The following CLNK variants were observed in gnomAD, a reference collection of about 807,000 sequenced individuals.
CLNK encodes cytokine-dependent hematopoietic cell linker.
A neutral mutation model predicts 68.6 loss-of-function variants in CLNK; 74 were observed. The ratio of observed to expected loss-of-function variants is 1.08; its 90% CI spans 0.89 to 1.31. The LOEUF (loss-of-function observed/expected upper bound fraction) is 1.31. Among genes scored for constraint, CLNK ranks in the 50% most tolerant of loss-of-function variants. The pLI is 0.00. For missense variants in CLNK, 553 were observed against 515.3 expected (o/e 1.07, Z -0.71); for synonymous variants, 198 against 172.2 (o/e 1.15, Z -1.17).
At chr4:10,640,099 A>G (rs954048195) in intron 2 of CLNK, among the ~76,000 whole-genome samples, 11 of 152,176 alleles carry the variant, frequency 7.2e-5, no homozygotes, top group African/African-American at 2.4e-4. Context: ...TTGTTTCTGA[A>G]GCCTCTGCCA....
chr4:10,595,116 C>G (rs1369459231), intron 3 of CLNK, among the ~76,000 whole-genome samples: 1 of 152,170 alleles, frequency 6.6e-6, no homozygotes, highest in Non-Finnish European at 1.5e-5. Context: ...CAAACCAAAA[C>G]AAAAACCCAG....
the CLNK span, among the ~76,000 whole-genome samples, chr4:10,720,310 CA>C: frequency 6.6e-6 from 1 of 151,768 alleles, no homozygotes. Flanking sequence ...AAAAGGCTGA[CA>C]AAAAACGAAC....
At position 10,488,642 on chromosome 4, in the gene CLNK, T is replaced by G. The variant is rs1716442061; in HGVS notation, c.*1825A>C. 2 of 152,240 alleles carry G rather than the reference T, an allele frequency of 1.3e-5. No homozygotes were observed. The highest frequency in any genetic ancestry group is 1.3e-4 in the Admixed American group (2 of 15,278). The allele number at this position is 152,240 out of a possible 1,614,324, so 9.4% of individuals were successfully genotyped here. A position where few individuals can be genotyped will look rare whatever the true frequency, so the allele number is the denominator to read the frequency against. ...CAGCTGGGTCTCAAAAGTTCCAGCT[T>G]TACAAATAGCTTCTTCATTAAATGC... On this transcript the variant is annotated 3_prime_UTR_variant, in exon 19 of 19. Coordinates refer to ENST00000226951, the MANE Select transcript of CLNK (RefSeq NM_052964.4).
At chr4:10,501,142 C>A in intron 18 of CLNK, 114 bp downstream of exon 18, 6 of 1,088,904 alleles carry the variant, frequency 5.5e-6, no homozygotes, top group Non-Finnish European at 7.7e-6. Context: ...GGAGGTCAGA[C>A]TGCATCCCTC....
chr4:10,733,165 C>T, the CLNK span, among the ~76,000 whole-genome samples: 1 of 152,158 alleles, frequency 6.6e-6, no homozygotes, highest in Admixed American at 6.5e-5. Flanking sequence ...GTCTCCTCAG[C>T]TGCCTGTCTT....
At chr4:10,548,649 T>C (rs139311184) in intron 8 of CLNK, among the ~76,000 whole-genome samples, 203 of 152,298 alleles carry the variant, frequency 1.3e-3, no homozygotes, top group African/African-American at 4.8e-3. Context: ...ATACCCCAAG[T>C]TGATTTAATC....
At chr4:10,693,944 A>G in the CLNK span, among the ~76,000 whole-genome samples, 2 of 152,114 alleles carry the variant, frequency 1.3e-5, no homozygotes, top group Admixed American at 6.6e-5. Flanking sequence ...AATCCTATGA[A>G]TAGCAGCTAT....
intron 2 of CLNK, among the ~76,000 whole-genome samples, chr4:10,634,724 C>T (rs560304925): frequency 6.6e-6 from 1 of 152,232 alleles, no homozygotes; most frequent in African/African-American, 2.4e-5. Flanking sequence ...TTTTTTGCTT[C>T]CCTCCTATGG....
rs1717392713 is a variant in CLNK, at chr4:10,508,171, A to T, written c.907-135T>A. The T allele has an allele frequency of 4.8e-6, 3 of 621,734 alleles. No individual in the cohort carries two copies. The Admixed American group carries it at 1.0e-4, about 21-fold the overall frequency. The allele number at this position is 621,734 out of a possible 1,614,324, so 38.5% of individuals were successfully genotyped here. On this transcript the variant is annotated intron_variant, in intron 16 of 18. Transcript: ENST00000226951. ...ATCTGTAGTAGATATTCAGTACCTA[A>T]CATTTAGTCCCTGAACTTGGAGAAG...
At chr4:10,713,243 A>G in the CLNK span, among the ~76,000 whole-genome samples, 9 of 152,330 alleles carry the variant, frequency 5.9e-5, no homozygotes, top group African/African-American at 2.2e-4. Context: ...ATAAGACAGA[A>G]GCTGACCAGT....
intron 2 of CLNK, among the ~76,000 whole-genome samples, chr4:10,627,873 G>A (rs887269133): frequency 6.6e-6 from 1 of 152,132 alleles, no homozygotes; most frequent in Non-Finnish European, 1.5e-5. Context: ...AGAACTTACT[G>A]AGAAATCAGG....
chr4:10,563,471 C>T (rs1293226146), intron 7 of CLNK, among the ~76,000 whole-genome samples: 2 of 152,106 alleles, frequency 1.3e-5, no homozygotes, highest in African/African-American at 4.8e-5. Flanking sequence ...GTGGGTTATG[C>T]TTTGTCTACA....
At chr4:10,671,151 C>T (rs1469801110) in intron 1 of CLNK, among the ~76,000 whole-genome samples, 1 of 152,020 alleles carries the variant, frequency 6.6e-6, no homozygotes, top group African/African-American at 2.4e-5. Flanking sequence ...TTTGGGAGGC[C>T]GAGGCGACTG....
chr4:10,726,797 C>T, the CLNK span, among the ~76,000 whole-genome samples: 1 of 152,136 alleles, frequency 6.6e-6, no homozygotes, highest in South Asian at 2.1e-4. Context: ...GTTTAGAATC[C>T]CTCTTTGTGA....
At chr4:10,582,709 T>G (rs562414782) in intron 4 of CLNK, among the ~76,000 whole-genome samples, 4 of 152,342 alleles carry the variant, frequency 2.6e-5, no homozygotes, top group African/African-American at 7.2e-5. Flanking sequence ...TTTCGATAGA[T>G]TGTTTTTAGT....
At chr4:10,701,740 G>A in the CLNK span, among the ~76,000 whole-genome samples, 1 of 152,182 alleles carries the variant, frequency 6.6e-6, no homozygotes, top group African/African-American at 2.4e-5. Context: ...TTTATAGACG[G>A]GAAAACTGAG....
intron 2 of CLNK, 28 bp downstream of exon 2, chr4:10,667,831 G>C: frequency 1.9e-6 from 3 of 1,567,012 alleles, no homozygotes; most frequent in Non-Finnish European, 2.6e-6. Flanking sequence ...AAGGGAACTG[G>C]GGCTCACAGT....
rs373636256 is a variant in CLNK, at chr4:10,528,096, T to G, written c.631-2A>C. 1.3e-5 allele frequency: 17 copies of G among 1,317,096 alleles called. No homozygotes were observed. The African/African-American group carries it at 2.4e-4, about 19-fold the overall frequency. The allele number at this position is 1,317,096 out of a possible 1,614,324, so 81.6% of individuals were successfully genotyped here. A position where few individuals can be genotyped will look rare whatever the true frequency, so the allele number is the denominator to read the frequency against. On this transcript the variant is annotated splice_acceptor_variant, in intron 12 of 18. Coordinates refer to ENST00000226951, the MANE Select transcript of CLNK (RefSeq NM_052964.4). LOFTEE classifies it high-confidence loss of function. ...TTCACCTTTTTCTGCTTCAAGGACCTGTATTGAATTAAAAAAAATAAAATT... is the reference window on the plus strand; with the variant it reads ...TTCACCTTTTTCTGCTTCAAGGACCGGTATTGAATTAAAAAAAATAAAATT...
At chr4:10,493,042 C>T (rs67523049) in intron 18 of CLNK, among the ~76,000 whole-genome samples, 19,145 of 152,132 alleles carry the variant, frequency 0.13, 2,058 homozygotes, top group African/African-American at 0.28. Flanking sequence ...CTAGGCCAGG[C>T]GTGGTGGCTC....
Sources: allele counts gnomAD v4.1 joint callset (sites outside exome capture counted in the v4.1 genomes callset), GRCh38; gene constraint gnomAD v4.1.1; transcripts MANE v1.5; gene names NCBI Gene and HGNC (gene_info 2026-07-23, HGNC 2026-07-21).